Variants in ASAP1 observed in about 807,000 individuals in gnomAD.
The protein encoded by ASAP1 is ArfGAP with SH3 domain, ankyrin repeat and PH domain 1.
ASAP1 carries 43 observed loss-of-function variants against 145.2 expected under a neutral mutation model. That is an observed-to-expected ratio of 0.30 (90% confidence interval 0.23 to 0.38). The LOEUF is 0.38. Ranked by LOEUF, ASAP1 falls within the 10% of genes least tolerant of loss-of-function variation. The pLI is 1.00. For missense variants in ASAP1, 1,018 were observed against 1,355.3 expected (o/e 0.75, Z 3.91); for synonymous variants, 546 against 515.5 (o/e 1.06, Z -0.80).
chr8:130,144,360 A>G (rs941617154), intron 13 of ASAP1, among the ~76,000 whole-genome samples: 1 of 152,216 alleles, frequency 6.6e-6, no homozygotes, highest in Non-Finnish European at 1.5e-5. Flanking sequence ...TAATTTTTGC[A>G]ATGACTCTAT....
chr8:130,092,208 T>C, intron 24 of ASAP1, 65 bp from the exon 25 acceptor site: 1 of 1,498,284 alleles, frequency 6.7e-7, no homozygotes, highest in Non-Finnish European at 8.9e-7. Flanking sequence ...AAACAGCCAG[T>C]ATGAAATCAC....
chr8:130,056,375 C>T (rs1355326468), intron 29 of ASAP1, among the ~76,000 whole-genome samples: 1 of 152,208 alleles, frequency 6.6e-6, no homozygotes, highest in Admixed American at 6.5e-5. Flanking sequence ...AGGCTGATCC[C>T]TTCAGTCCAG....
chr8:130,312,346 C>A (rs1040793726), intron 3 of ASAP1, among the ~76,000 whole-genome samples: 1 of 151,940 alleles, frequency 6.6e-6, no homozygotes, highest in Non-Finnish European at 1.5e-5. Context: ...CAGCTGAACC[C>A]CTGGCCTTGA....
At chr8:130,202,489 C>T (rs1464284024) in intron 5 of ASAP1, among the ~76,000 whole-genome samples, 2 of 152,228 alleles carry the variant, frequency 1.3e-5, no homozygotes, top group Non-Finnish European at 2.9e-5. Flanking sequence ...TAAGAACACA[C>T]TTCATAGGAA....
At chr8:130,433,007 C>G (rs997182989) in intron 1 of ASAP1, among the ~76,000 whole-genome samples, 1 of 152,208 alleles carries the variant, frequency 6.6e-6, no homozygotes, top group Non-Finnish European at 1.5e-5. Context: ...GTATGCTGCT[C>G]AACAGAGTGT....
chr8:130,400,832 A>G (rs182190399), intron 2 of ASAP1, among the ~76,000 whole-genome samples: 1 of 152,182 alleles, frequency 6.6e-6, no homozygotes, highest in East Asian at 1.9e-4. Context: ...GTAAGGGAAA[A>G]TTGACTTACA....
intron 18 of ASAP1, among the ~76,000 whole-genome samples, chr8:130,122,556 C>T (rs2097568153): frequency 6.6e-6 from 1 of 152,166 alleles, no homozygotes; most frequent in African/African-American, 2.4e-5. Flanking sequence ...TATTCAAGCC[C>T]CTTAATTGTC....
At chr8:130,277,579 A>G (rs1820989295) in intron 3 of ASAP1, among the ~76,000 whole-genome samples, 1 of 152,244 alleles carries the variant, frequency 6.6e-6, no homozygotes. Context: ...AGTTCTCATG[A>G]CAGAAACAAA....
At chr8:130,160,940 C>T (rs1179933183) in intron 11 of ASAP1, 1 of 463,226 alleles carries the variant, frequency 2.2e-6, no homozygotes, top group Non-Finnish European at 3.5e-6. Context: ...CCAGAAAACA[C>T]ATACACCTCT....
chr8:130,073,390 C>CAA (rs35429166), intron 27 of ASAP1, among the ~76,000 whole-genome samples: 8 of 117,238 alleles, frequency 6.8e-5, no homozygotes, highest in African/African-American at 1.6e-4. Flanking sequence ...AACTCCGTCT[C>CAA]AAAAAAAAAA....
intron 3 of ASAP1, among the ~76,000 whole-genome samples, chr8:130,255,457 A>C (rs573965759): frequency 6.6e-6 from 1 of 152,248 alleles, no homozygotes; most frequent in South Asian, 2.1e-4. Flanking sequence ...TAACCTTTGC[A>C]TATTTTTTTT....
In ASAP1 at chr8:130,107,590, C is replaced by T. The variant is rs374427400; in HGVS notation, c.2401+4504G>A. ...TGAGATAGAGTCTCATTCTGTCGCCCGGGCTGAAGTGCAGTGGTGCCATCT... is the reference window on the plus strand; with the variant it reads ...TGAGATAGAGTCTCATTCTGTCGCCTGGGCTGAAGTGCAGTGGTGCCATCT... On this transcript the variant is annotated intron_variant, in intron 24 of 29. Coordinates refer to ENST00000518721, the MANE Select transcript of ASAP1 (RefSeq NM_018482.4). 2.8e-3 allele frequency among the ~76,000 whole-genome samples: 427 copies of T among 151,142 alleles called. 4 individuals carry two copies. Among genetic ancestry groups the T allele is most frequent in the African/African-American group, 9.9e-3 (408 of 41,082 alleles).
chr8:130,072,866 G>A (rs867121729), intron 27 of ASAP1, among the ~76,000 whole-genome samples: 4 of 123,828 alleles, frequency 3.2e-5, no homozygotes, highest in African/African-American at 5.7e-5. Context: ...GCTCTCACCC[G>A]GTGGGACTGG....
chr8:130,341,846 T>C (rs1355844206), intron 3 of ASAP1, among the ~76,000 whole-genome samples: 2 of 152,028 alleles, frequency 1.3e-5, no homozygotes, highest in Non-Finnish European at 2.9e-5. Flanking sequence ...AAATAAGAGG[T>C]AAAAGAGCAG....
At chr8:130,089,548 G>A (rs961337483) in intron 25 of ASAP1, among the ~76,000 whole-genome samples, 1 of 152,202 alleles carries the variant, frequency 6.6e-6, no homozygotes, top group African/African-American at 2.4e-5. Flanking sequence ...GAGGAAGGTT[G>A]CCTAGAAGGT....
intron 9 of ASAP1, among the ~76,000 whole-genome samples, chr8:130,178,783 G>C (rs1586527831): frequency 2.0e-5 from 3 of 152,288 alleles, no homozygotes; most frequent in Admixed American, 2.0e-4. Flanking sequence ...CAACTACTGG[G>C]GAGGCTGAGG....
chr8:130,072,824 T>TGTGTGTGTGTGTGTGTGTGCGC lies in ASAP1; in HGVS notation c.2701+3523_2701+3524insGCGCACACACACACACACACAC. Reference sequence around the variant, plus strand: ...GTGTGTGTGTGTGTGTGTGTGTGTGTGCGCGCGGGGGGGGGCAGTTTTGGG... The same window carrying TGTGTGTGTGTGTGTGTGTGCGC: ...GTGTGTGTGTGTGTGTGTGTGTGTGTGTGTGTGTGTGTGTGTGTGCGCGCGCGCGGGGGGGGGCAGTTTTGGG... On this transcript the variant is annotated intron_variant, in intron 27 of 29. Transcript: ENST00000518721. Among the ~76,000 whole-genome samples, 9 of 32,310 alleles carry TGTGTGTGTGTGTGTGTGTGCGC rather than the reference T, an allele frequency of 2.8e-4. 1 individual carries two copies. Among genetic ancestry groups the TGTGTGTGTGTGTGTGTGTGCGC allele is most frequent in the Admixed American group, 7.2e-4 (2 of 2,788 alleles). The allele number at this position is 32,310 out of a possible 152,430, so 21.2% of individuals were successfully genotyped here.
At chr8:130,425,923 T>C (rs921637982) in intron 1 of ASAP1, among the ~76,000 whole-genome samples, 6 of 152,220 alleles carry the variant, frequency 3.9e-5, no homozygotes, top group Admixed American at 2.0e-4. Flanking sequence ...AAGAAATCCA[T>C]ACTTTCAGAG....
intron 3 of ASAP1, among the ~76,000 whole-genome samples, chr8:130,308,724 C>G (rs147885026): frequency 2.6e-3 from 389 of 152,142 alleles, no homozygotes; most frequent in African/African-American, 9.2e-3. Flanking sequence ...TACATATCAA[C>G]TAATAAGAAA....
Sources: gnomAD v4.1 joint callset for allele counts (sites outside exome capture counted in the v4.1 genomes callset) on GRCh38, gnomAD v4.1.1 for gene constraint, MANE v1.5 for transcripts, NCBI Gene and HGNC (gene_info 2026-07-23, HGNC 2026-07-21) for gene names.